PRKD3: variants seen among roughly 807,000 people sequenced by gnomAD.
PRKD3 encodes the protein protein kinase D3.
In PRKD3, 47 loss-of-function variants were observed where a neutral mutation model predicts 99.2. That is an observed-to-expected ratio of 0.47 (90% CI 0.38 to 0.60). The LOEUF is 0.60. Among genes scored for constraint, PRKD3 ranks in the 20% least tolerant of loss-of-function variants. The pLI is 0.00. For missense variants in PRKD3, 1,019 were observed against 1,088.4 expected (o/e 0.94, Z 0.90); for synonymous variants, 392 against 355.4 (o/e 1.10, Z -1.16).
chr2:37,260,530 G>T, intron 14 of PRKD3, 146 bp from the exon 15 acceptor site: 1 of 776,906 alleles, frequency 1.3e-6, no homozygotes, highest in Non-Finnish European at 2.1e-6. Context: ...TACAATCAAT[G>T]AAAAGGATCT....
chr2:37,324,204 G>C (rs2124916763), intron 1 of PRKD3: 4 of 985,442 alleles, frequency 4.1e-6, no homozygotes, highest in Middle Eastern at 1.0e-3. Context: ...TCACCCCTTT[G>C]AGACGACTAC....
chr2:37,274,397 G>A (rs750205350), intron 11 of PRKD3, 24 bp downstream of exon 11: 2 of 1,611,028 alleles, frequency 1.2e-6, no homozygotes, highest in African/African-American at 1.3e-5. Context: ...AGGAGAAAAA[G>A]CCATCAAGAA....
chr2:37,282,576 T>C lies in PRKD3; in HGVS notation c.954A>G (p.Pro318=). The C allele has an allele frequency of 6.2e-7, 1 of 1,602,878 alleles. No homozygotes were observed. The highest frequency in any genetic ancestry group is 1.1e-5 in the South Asian group (1 of 90,790). ...AAGTAACCTCTCCAAGGCAGTCTCT[T>C]GGTACTTTTGATGCACAGCGTTTAT... ...NCHKRCASKV[P]RDCLGEVTFN... Residue 318 remains proline, a synonymous_variant, in exon 7 of 19, where the codon CCA becomes CCG. Coordinates refer to ENST00000234179, the MANE Select transcript of PRKD3 (RefSeq NM_005813.6).
intron 13 of PRKD3, chr2:37,268,953 T>C (rs1257533504): frequency 6.5e-6 from 1 of 153,176 alleles, no homozygotes; most frequent in Non-Finnish European, 1.5e-5. Flanking sequence ...CTAAGAGTTG[T>C]ATGAAAAGAA....
intron 17 of PRKD3, 26 bp downstream of exon 17, chr2:37,256,627 AATTTTTTTT>A: frequency 2.4e-6 from 3 of 1,247,306 alleles, no homozygotes; most frequent in Non-Finnish European, 2.1e-6. Context: ...ACATAGCCAA[AATTTTTTTT>A]TTTTTTTTTT....
intron 6 of PRKD3, among the ~76,000 whole-genome samples, chr2:37,284,307 C>T (rs1022218348): frequency 6.6e-6 from 1 of 152,008 alleles, no homozygotes; most frequent in African/African-American, 2.4e-5. Flanking sequence ...TGAAATAAAA[C>T]CTACCATTTT....
At chr2:37,267,708 C>T (rs953860360) in intron 13 of PRKD3, 172 bp from the exon 14 acceptor site, 9 of 561,478 alleles carry the variant, frequency 1.6e-5, no homozygotes, top group Middle Eastern at 4.7e-4. Flanking sequence ...ATTGTTTTCC[C>T]CTCCATACAT....
intron 4 of PRKD3, 85 bp downstream of exon 4, chr2:37,290,783 T>TCGTCGG: frequency 7.1e-7 from 1 of 1,411,862 alleles, no homozygotes; most frequent in South Asian, 1.4e-5. Context: ...AGTCAACAGC[T>TCGTCGG]CGTCATCTTG....
intron 2 of PRKD3, among the ~76,000 whole-genome samples, chr2:37,293,735 C>A (rs556212644): frequency 6.6e-6 from 1 of 152,338 alleles, no homozygotes; most frequent in Non-Finnish European, 1.5e-5. Context: ...CACCATGTCA[C>A]CTGCCTGCAT....
chr2:37,298,410 T>TG (rs1670766787), intron 2 of PRKD3, among the ~76,000 whole-genome samples: 2 of 69,450 alleles, frequency 2.9e-5, no homozygotes, highest in Admixed American at 9.9e-5. Flanking sequence ...TTAACAAAGT[T>TG]ATTTTTTTTT....
At chr2:37,289,630 C>A in intron 4 of PRKD3, 117 bp from the exon 5 acceptor site, 1 of 834,288 alleles carries the variant, frequency 1.2e-6, no homozygotes, top group Non-Finnish European at 1.8e-6. Context: ...CCATACCTAT[C>A]CTAATTAAGA....
At chr2:37,295,986 C>T (rs1406478481) in intron 2 of PRKD3, among the ~76,000 whole-genome samples, 1 of 152,066 alleles carries the variant, frequency 6.6e-6, no homozygotes, top group African/African-American at 2.4e-5. Flanking sequence ...AAATTTCTCT[C>T]CAGAAACTAC....
rs1182971639 is a variant in PRKD3 at position 37,252,939 on chromosome 2, A to T, written c.*238T>A. ...ATTAAGAAAAAATACAAAACCAGTT[A>T]TTGCTTAGGCTAAAAAAGTTTATAA... On this transcript the variant is annotated 3_prime_UTR_variant, in exon 19 of 19. Transcript: ENST00000234179. 3 of 318,410 alleles carry T rather than the reference A, an allele frequency of 9.4e-6. No homozygotes were observed. Among genetic ancestry groups the T allele is most frequent in the Non-Finnish European group, 1.7e-5 (3 of 177,648 alleles). The allele number at this position is 318,410 out of a possible 1,614,324, so 19.7% of individuals were successfully genotyped here. A position where few individuals can be genotyped will look rare whatever the true frequency, so the allele number is the denominator to read the frequency against.
intron 1 of PRKD3, among the ~76,000 whole-genome samples, chr2:37,321,740 A>G (rs1671892327): frequency 6.6e-6 from 1 of 152,228 alleles, no homozygotes; most frequent in Non-Finnish European, 1.5e-5. Flanking sequence ...ATGGCAGAGT[A>G]TACTAAGGGG....
chr2:37,292,791 G>C (rs1299407014), intron 3 of PRKD3, among the ~76,000 whole-genome samples: 1 of 151,802 alleles, frequency 6.6e-6, no homozygotes, highest in African/African-American at 2.4e-5. Flanking sequence ...GACTACAGTT[G>C]CATGTGACCA....
At chr2:37,286,527 A>G (rs10204434) in intron 5 of PRKD3, among the ~76,000 whole-genome samples, 158 bp from the exon 6 acceptor site, 14,805 of 152,248 alleles carry the variant, frequency 0.097, 1,122 homozygotes, top group East Asian at 0.35. Context: ...TAATTTACCA[A>G]TCTTTGAATG....
At position 37,313,532 on chromosome 2, in the gene PRKD3, A is replaced by G. The variant is rs536394039; in HGVS notation, c.288+2705T>C. On this transcript the variant is annotated intron_variant, in intron 2 of 18. Coordinates refer to ENST00000234179, the MANE Select transcript of PRKD3 (RefSeq NM_005813.6). ...GAAATGGCCTAAACACTTAAAAAGC[A>G]GAAGTTGACAGAGTGAATCTAAAAA... 3.3e-5 allele frequency among the ~76,000 whole-genome samples: 5 copies of G among 152,354 alleles called. No homozygotes were observed. The South Asian group carries it at 1.0e-3, about 32-fold the overall frequency.
chr2:37,305,048 T>C (rs1054160029), intron 2 of PRKD3, among the ~76,000 whole-genome samples: 1 of 151,888 alleles, frequency 6.6e-6, no homozygotes, highest in Admixed American at 6.6e-5. Flanking sequence ...AGGGGTAGAA[T>C]AAAGAGCAGG....
chr2:37,268,548 G>A (rs1213876697), intron 13 of PRKD3: 1 of 282,364 alleles, frequency 3.5e-6, no homozygotes, highest in African/African-American at 2.3e-5. Context: ...AAGGGTAATA[G>A]ATATTGTGAG....
Sources: allele counts gnomAD v4.1 joint callset (sites outside exome capture counted in the v4.1 genomes callset), GRCh38; gene constraint gnomAD v4.1.1; transcripts MANE v1.5; gene names NCBI Gene and HGNC (gene_info 2026-07-23, HGNC 2026-07-21).